PARPBP: variants seen among roughly 807,000 people sequenced by gnomAD.
PARPBP encodes the protein PARP1 binding protein.
In PARPBP, 52 loss-of-function variants were observed where a neutral mutation model predicts 50.0. The ratio of observed to expected loss-of-function variants is 1.04; its 90% CI spans 0.83 to 1.31. The LOEUF is 1.31. Among genes scored for constraint, PARPBP ranks in the 50% most tolerant of loss-of-function variants. The pLI is 0.00. For synonymous variants in PARPBP, 244 were observed against 232.1 expected, an observed-to-expected ratio of 1.05 and a Z score of -0.47; for missense variants, 697 against 672.0, an observed-to-expected ratio of 1.04 and a Z score of -0.41.
At chr12:102,161,050 G>C (rs1887528724) in intron 4 of PARPBP, among the ~76,000 whole-genome samples, 1 of 151,916 alleles carries the variant, frequency 6.6e-6, no homozygotes, top group South Asian at 2.1e-4. Flanking sequence ...TTGTGACTTA[G>C]AATACCTTTC....
intron 4 of PARPBP, among the ~76,000 whole-genome samples, chr12:102,159,437 G>A (rs1478337820): frequency 6.6e-6 from 1 of 152,138 alleles, no homozygotes; most frequent in African/African-American, 2.4e-5. Flanking sequence ...GGAAGTCAAT[G>A]TAGCTCTAAT....
chr12:102,195,524 G>T lies in PARPBP; in HGVS notation c.1399+77G>T, dbSNP rs1209599169. 2.6e-6 allele frequency: 3 copies of T among 1,135,680 alleles called. No homozygotes were observed. In the East Asian group the frequency reaches 7.4e-5, roughly 28 times the overall value. The allele number at this position is 1,135,680 out of a possible 1,614,324, so 70.4% of individuals were successfully genotyped here. ...ATTAGTTTTAACTTAAGTAAAATTA[G>T]GTTATTTTTGCAAAGTACTATGAAA... is the stretch of plus-strand genomic sequence containing the variant. On this transcript the variant is annotated intron_variant, in intron 10 of 10. Transcript: ENST00000327680.
intron 2 of PARPBP, among the ~76,000 whole-genome samples, chr12:102,133,483 T>A (rs987297744): frequency 2.6e-5 from 4 of 152,192 alleles, no homozygotes; most frequent in Non-Finnish European, 5.9e-5. Flanking sequence ...CTGGTATGAA[T>A]CTGACTTTAT....
At chr12:102,124,806 T>A (rs1448185346) in intron 2 of PARPBP, among the ~76,000 whole-genome samples, 1 of 152,186 alleles carries the variant, frequency 6.6e-6, no homozygotes, top group Non-Finnish European at 1.5e-5. Context: ...TTATTTTAAT[T>A]TTATATGTCA....
intron 4 of PARPBP, chr12:102,154,803 T>C (rs1886654392): frequency 2.2e-6 from 1 of 452,790 alleles, no homozygotes; most frequent in Admixed American, 2.4e-5. Flanking sequence ...AGGATATCAA[T>C]TAACTAAATC....
Position 102,190,857 on chromosome 12 carries a change from G to T in PARPBP, c.1264-4455G>T, listed in dbSNP as rs139162897. Among the ~76,000 whole-genome samples the T allele has an allele frequency of 4.2e-4, 64 of 152,222 alleles. No homozygotes were observed. In the East Asian group the frequency reaches 0.012, roughly 28 times the overall value. ...CAGTGCTGTGGAGTGAAATGAAATG[G>T]GTGGGGCCTAAGGAAAGTGGGGTTC... On this transcript the variant is annotated intron_variant, in intron 9 of 10. Transcript: ENST00000327680.
intron 9 of PARPBP, among the ~76,000 whole-genome samples, chr12:102,189,746 T>A (rs1890626341): frequency 6.6e-6 from 1 of 152,016 alleles, no homozygotes; most frequent in Non-Finnish European, 1.5e-5. Flanking sequence ...GAATAAATAA[T>A]GTTGGGGAAG....
chr12:102,146,493 C>A (rs954863164), intron 2 of PARPBP, among the ~76,000 whole-genome samples: 2 of 152,056 alleles, frequency 1.3e-5, no homozygotes, highest in Admixed American at 1.3e-4. Context: ...ATAAATGGTG[C>A]TGGGAAAACT....
At chr12:102,170,260 A>G (rs1888556317) in intron 6 of PARPBP, among the ~76,000 whole-genome samples, 2 of 152,240 alleles carry the variant, frequency 1.3e-5, no homozygotes, top group Non-Finnish European at 2.9e-5. Flanking sequence ...GCACATTTAC[A>G]TTATACTGTC....
intron 6 of PARPBP, among the ~76,000 whole-genome samples, chr12:102,175,176 A>G (rs1889140516): frequency 6.6e-6 from 1 of 152,214 alleles, no homozygotes. Context: ...AAAGGTATAT[A>G]TTTTAAATAT....
intron 2 of PARPBP, among the ~76,000 whole-genome samples, chr12:102,135,832 G>T (rs1883547658): frequency 6.6e-6 from 1 of 152,134 alleles, no homozygotes; most frequent in Admixed American, 6.5e-5. Flanking sequence ...GGCATAATTT[G>T]GGGGTGGAGT....
chr12:102,187,285 A>T (rs1726121600), intron 9 of PARPBP, among the ~76,000 whole-genome samples: 1 of 152,160 alleles, frequency 6.6e-6, no homozygotes, highest in Non-Finnish European at 1.5e-5. Context: ...AGAACTAGTG[A>T]ATTAGCAAAA....
chr12:102,180,457 C>A (rs537417850), intron 8 of PARPBP, among the ~76,000 whole-genome samples: 1 of 152,120 alleles, frequency 6.6e-6, no homozygotes, highest in South Asian at 2.1e-4. Context: ...AATCCCGGAG[C>A]TTTAGGAGGC....
chr12:102,173,631 T>C (rs1459958973), intron 6 of PARPBP, among the ~76,000 whole-genome samples: 2 of 151,940 alleles, frequency 1.3e-5, no homozygotes, highest in East Asian at 3.9e-4. Context: ...ATAAAATACA[T>C]AGAATAAATC....
At chr12:102,147,873 A>G (rs1234517498) in intron 2 of PARPBP, among the ~76,000 whole-genome samples, 1 of 152,146 alleles carries the variant, frequency 6.6e-6, no homozygotes, top group Non-Finnish European at 1.5e-5. Context: ...AAAAGAATCA[A>G]AATTTTCCCC....
At chr12:102,144,164 ATCTTT>A (rs1269758963) in intron 2 of PARPBP, among the ~76,000 whole-genome samples, 1 of 152,232 alleles carries the variant, frequency 6.6e-6, no homozygotes, top group East Asian at 1.9e-4. Context: ...AAGTAGACCT[ATCTTT>A]TCTTTAATGA....
chr12:102,160,513 ATTC>A lies in PARPBP; in HGVS notation c.496-3920_496-3918del, dbSNP rs575428983. Among the ~76,000 whole-genome samples the A allele has an allele frequency of 5.6e-4, 85 of 152,350 alleles. No individual in the cohort carries two copies. In the South Asian group the frequency reaches 5.6e-3, roughly 10 times the overall value. ...GCTTTGATTTTCGGTAAATTGTGTT[ATTC>A]TTCTCAGATGTCAAAGGAATACAAA... On this transcript the variant is annotated intron_variant, in intron 4 of 10. Coordinates refer to ENST00000327680, the MANE Select transcript of PARPBP (RefSeq NM_017915.5).
chr12:102,121,472 C>G (rs751791601), intron 1 of PARPBP, among the ~76,000 whole-genome samples: 1 of 149,448 alleles, frequency 6.7e-6, no homozygotes, highest in Non-Finnish European at 1.5e-5. Flanking sequence ...CAAATATTTA[C>G]TGTTTGTTCC....
Position 102,148,215 on chromosome 12 carries a change from C to A in PARPBP, c.154-15C>A. Reference sequence around the variant, plus strand: ...CCAACTTTATTTTTTTTTTTTTTGGCATTATCTTTTTCAGCACAGTGGAGA... The same window carrying A: ...CCAACTTTATTTTTTTTTTTTTTGGAATTATCTTTTTCAGCACAGTGGAGA... On this transcript the variant is annotated splice_polypyrimidine_tract_variant and intron_variant, in intron 2 of 10. Coordinates refer to ENST00000327680, the MANE Select transcript of PARPBP (RefSeq NM_017915.5). 7.3e-6 allele frequency: 7 copies of A among 962,500 alleles called. No individual in the cohort carries two copies. The highest frequency in any genetic ancestry group is 5.8e-5 in the Admixed American group (2 of 34,506). 59.6% of individuals were successfully genotyped at this position (962,500 alleles called of 1,614,324 possible). A position where few individuals can be genotyped will look rare whatever the true frequency, so the allele number is the denominator to read the frequency against.
Sources: allele counts gnomAD v4.1 joint callset (sites outside exome capture counted in the v4.1 genomes callset), GRCh38; gene constraint gnomAD v4.1.1; transcripts MANE v1.5; gene names NCBI Gene and HGNC (gene_info 2026-07-23, HGNC 2026-07-21).